Variants in LARP1B observed in about 807,000 individuals in gnomAD.
The protein encoded by LARP1B is La ribonucleoprotein 1B.
In LARP1B, 76 loss-of-function variants were observed where a neutral mutation model predicts 114.2. The ratio of observed to expected loss-of-function variants is 0.67; its 90% CI spans 0.55 to 0.81. The LOEUF (loss-of-function observed/expected upper bound fraction) is 0.81, where lower values mean the gene tolerates loss of function less well. Ranked by LOEUF, LARP1B falls within the 30% of genes least tolerant of loss-of-function variation. The pLI, the probability that LARP1B is intolerant of heterozygous loss-of-function variation, is 0.00. For synonymous variants in LARP1B, 345 were observed against 348.0 expected (o/e 0.99, Z 0.10); for missense variants, 1,014 against 1,075.8 (o/e 0.94, Z 0.80).
chr4:128,070,842 A>G (rs1298246550), intron 1 of LARP1B, among the ~76,000 whole-genome samples: 3 of 151,744 alleles, frequency 2.0e-5, no homozygotes, highest in African/African-American at 7.3e-5. Context: ...TATGGCTGAC[A>G]TAGTTGATTT....
chr4:128,174,932 G>A (rs189398477), intron 12 of LARP1B, among the ~76,000 whole-genome samples: 158 of 152,122 alleles, frequency 1.0e-3, no homozygotes, highest in Middle Eastern at 6.8e-3. Context: ...ATTGTGTGAC[G>A]TATATTTTTC....
At chr4:128,077,466 A>G in intron 3 of LARP1B, among the ~76,000 whole-genome samples, 1 of 151,658 alleles carries the variant, frequency 6.6e-6, no homozygotes, top group Non-Finnish European at 1.5e-5. Context: ...GTGCCACTGC[A>G]CTCCAGCCTG....
At chr4:128,091,252 TTA>T (rs980140590) in intron 6 of LARP1B, 93 bp from the exon 7 acceptor site, 6 of 1,514,948 alleles carry the variant, frequency 4.0e-6, no homozygotes, top group African/African-American at 2.8e-5. Context: ...ATAGATGGTT[TTA>T]TGTTTGTTAA....
chr4:128,192,676 G>A (rs1029309487), intron 15 of LARP1B, among the ~76,000 whole-genome samples: 8 of 152,120 alleles, frequency 5.3e-5, no homozygotes, highest in Non-Finnish European at 7.3e-5. Flanking sequence ...CTGAAAAACC[G>A]TAAGTGAAAC....
chr4:128,153,292 CATTT>C (rs36202530), intron 11 of LARP1B, among the ~76,000 whole-genome samples: 23,561 of 140,574 alleles, frequency 0.17, 2,344 homozygotes, highest in South Asian at 0.25. Context: ...CTTGGTTTGC[CATTT>C]ATTTATTTAT....
chr4:128,153,316 T>C (rs1581066979), intron 11 of LARP1B, among the ~76,000 whole-genome samples: 1 of 147,930 alleles, frequency 6.8e-6, no homozygotes, highest in East Asian at 2.0e-4. Flanking sequence ...TTTATTTATT[T>C]ATTTATTTAT....
At chr4:128,101,733 G>A (rs1309063703) in intron 8 of LARP1B, among the ~76,000 whole-genome samples, 8 of 152,042 alleles carry the variant, frequency 5.3e-5, no homozygotes, top group Non-Finnish European at 1.2e-4. Flanking sequence ...TCCTGCCTCA[G>A]CTTCCCAAAG....
At chr4:128,168,829 C>T (rs745501784) in intron 12 of LARP1B, among the ~76,000 whole-genome samples, 44 of 151,412 alleles carry the variant, frequency 2.9e-4, no homozygotes, top group Non-Finnish European at 4.7e-4. Flanking sequence ...GGAATGCTGG[C>T]GTCATAAAAT....
chr4:128,122,446 T>TG (rs3832282), intron 11 of LARP1B: 973,270 of 1,508,606 alleles, frequency 0.65, 318,590 homozygotes, highest in Middle Eastern at 0.83. Context: ...TTGTTTTTTT[T>TG]TTTTTTTGTT....
At chr4:128,196,277 A>G (rs1249823555) in intron 15 of LARP1B, among the ~76,000 whole-genome samples, 3 of 149,942 alleles carry the variant, frequency 2.0e-5, no homozygotes, top group Non-Finnish European at 4.4e-5. Context: ...AGAAAGAAAG[A>G]AAGAAAAAGA....
chr4:128,118,358 A>T (rs957069923), intron 10 of LARP1B, among the ~76,000 whole-genome samples: 1 of 150,908 alleles, frequency 6.6e-6, no homozygotes, highest in Non-Finnish European at 1.5e-5. Flanking sequence ...CAGCCTCCCA[A>T]GTAGCTGGGA....
chr4:128,074,091 C>T (rs1766838971), intron 1 of LARP1B, among the ~76,000 whole-genome samples: 1 of 151,984 alleles, frequency 6.6e-6, no homozygotes, highest in Non-Finnish European at 1.5e-5. Flanking sequence ...CAGGCATGTG[C>T]CACTGTGCCC....
intron 5 of LARP1B, among the ~76,000 whole-genome samples, chr4:128,086,951 C>T (rs889405430): frequency 6.6e-6 from 1 of 152,016 alleles, no homozygotes; most frequent in African/African-American, 2.4e-5. Flanking sequence ...AATGGTTTTA[C>T]TTTCATTAAA....
At chr4:128,066,429 C>T (rs1423243678) in intron 1 of LARP1B, among the ~76,000 whole-genome samples, 4 of 151,238 alleles carry the variant, frequency 2.6e-5, no homozygotes, top group East Asian at 2.0e-4. Context: ...CCGCCGGCCT[C>T]GGCCTCCCAA....
chr4:128,141,193 T>C (rs1344294768), intron 11 of LARP1B, among the ~76,000 whole-genome samples: 1 of 152,094 alleles, frequency 6.6e-6, no homozygotes, highest in Non-Finnish European at 1.5e-5. Context: ...CTGTACAGTA[T>C]TGAAGACTTT....
At chr4:128,164,681 AGGCCATTGT>A (rs1739948559) in intron 12 of LARP1B, among the ~76,000 whole-genome samples, 2 of 152,120 alleles carry the variant, frequency 1.3e-5, no homozygotes, top group African/African-American at 2.4e-5. Flanking sequence ...ATACTGTTGC[AGGCCATTGT>A]GGCTCATGCC....
At chr4:128,093,440 C>CA (rs1336960201) in intron 7 of LARP1B, among the ~76,000 whole-genome samples, 1 of 151,790 alleles carries the variant, frequency 6.6e-6, no homozygotes, top group Non-Finnish European at 1.5e-5. Context: ...ACTAAAAATA[C>CA]AAAAAATTAG....
intron 11 of LARP1B, chr4:128,122,778 T>G: frequency 8.6e-7 from 1 of 1,159,754 alleles, no homozygotes; most frequent in South Asian, 4.2e-5. Context: ...GTTCTAATTT[T>G]TTTTAACTTC....
intron 3 of LARP1B, among the ~76,000 whole-genome samples, chr4:128,075,945 G>A (rs2149399563): frequency 6.6e-6 from 1 of 152,292 alleles, no homozygotes; most frequent in East Asian, 1.9e-4. Context: ...TGAAAACGTG[G>A]CAGCTATCCT....
Sources: gnomAD v4.1 joint callset for allele counts (sites outside exome capture counted in the v4.1 genomes callset) on GRCh38, gnomAD v4.1.1 for gene constraint, MANE v1.5 for transcripts, NCBI Gene and HGNC (gene_info 2026-07-23, HGNC 2026-07-21) for gene names.